The following EYS variants were observed in gnomAD, a reference collection of about 807,000 sequenced individuals.
The protein encoded by EYS is protein eyes shut homolog.
Under a neutral mutation model 282.1 loss-of-function variants are expected in EYS, and 250 were observed. The ratio of observed to expected loss-of-function variants is 0.89; its 90% CI spans 0.80 to 0.98. The LOEUF (loss-of-function observed/expected upper bound fraction) is 0.98, where lower values mean the gene tolerates loss of function less well. EYS is among the 50% of genes least tolerant of loss of function. The pLI is 0.00. For missense variants in EYS, 4,016 were observed against 3,709.0 expected (o/e 1.08, Z -2.15); for synonymous variants, 1,355 against 1,282.9 (o/e 1.06, Z -1.20).
chr6:63,917,570 C>G (rs1764457794), intron 35 of EYS, among the ~76,000 whole-genome samples: 1 of 152,136 alleles, frequency 6.6e-6, no homozygotes, highest in Non-Finnish European at 1.5e-5. Flanking sequence ...TAGATAAATG[C>G]ATAACTTATG....
At chr6:64,259,027 C>T (rs1279218740) in intron 30 of EYS, among the ~76,000 whole-genome samples, 2 of 152,046 alleles carry the variant, frequency 1.3e-5, no homozygotes, top group African/African-American at 4.8e-5. Flanking sequence ...ACAGAGGCCC[C>T]ATGTTTGTTC....
In EYS at chr6:65,562,436, TA is replaced by T. The variant is rs550767979; in HGVS notation, c.-332-66444del. Among the ~76,000 whole-genome samples the T allele has an allele frequency of 5.2e-3, 787 of 152,020 alleles. 5 individuals are homozygous for T. The highest frequency in any genetic ancestry group is 0.017 in the African/African-American group (717 of 41,488). ...TGTTATCCAAAATTTGTAGTTAACA[TA>T]AGGACAGAATGGAAAGAATGAAAGG... On this transcript the variant is annotated intron_variant, in intron 2 of 42. Transcript: ENST00000503581.
intron 2 of EYS, among the ~76,000 whole-genome samples, chr6:65,508,525 T>A (rs1766743176): frequency 6.6e-6 from 1 of 151,642 alleles, no homozygotes; most frequent in South Asian, 2.1e-4. Flanking sequence ...ATATAAAAAA[T>A]TAGCTGGGCG....
chr6:64,765,263 C>T (rs2149981465), intron 22 of EYS, among the ~76,000 whole-genome samples: 1 of 152,296 alleles, frequency 6.6e-6, no homozygotes, highest in Middle Eastern at 3.4e-3. Flanking sequence ...ATGACCTTTG[C>T]TCCAGTTTCC....
chr6:64,533,843 G>A (rs553991087), intron 26 of EYS, among the ~76,000 whole-genome samples: 5 of 151,800 alleles, frequency 3.3e-5, no homozygotes, highest in African/African-American at 1.2e-4. Flanking sequence ...ACATGCATAT[G>A]CATATGTATT....
intron 31 of EYS, among the ~76,000 whole-genome samples, chr6:64,084,370 T>G (rs764172057): frequency 3.3e-5 from 5 of 152,168 alleles, no homozygotes; most frequent in Non-Finnish European, 7.3e-5. Context: ...CCCAAGGCTA[T>G]TGCAATAAGG....
chr6:65,347,419 G>A (rs1332735527), intron 9 of EYS, among the ~76,000 whole-genome samples: 1 of 151,692 alleles, frequency 6.6e-6, no homozygotes, highest in Non-Finnish European at 1.5e-5. Flanking sequence ...GAAGTAAAAT[G>A]TTTGTGCAGT....
chr6:64,452,691 C>A (rs1203682168), intron 26 of EYS, among the ~76,000 whole-genome samples: 3 of 152,102 alleles, frequency 2.0e-5, no homozygotes, highest in Non-Finnish European at 2.9e-5. Flanking sequence ...ATAGAGCCCT[C>A]AGAAATAATG....
At chr6:63,763,870 T>TTA (rs55668347) in intron 40 of EYS, among the ~76,000 whole-genome samples, 8,248 of 129,370 alleles carry the variant, frequency 0.064, 248 homozygotes, top group Middle Eastern at 0.098. Flanking sequence ...TTATATCTTG[T>TTA]TATATATATA....
At chr6:65,116,549 A>G (rs564788014) in intron 12 of EYS, among the ~76,000 whole-genome samples, 2 of 152,146 alleles carry the variant, frequency 1.3e-5, no homozygotes, top group South Asian at 4.1e-4. Flanking sequence ...CTGGAGCAAG[A>G]TGCTGGCTAT....
At chr6:64,141,240 T>C (rs142765790) in intron 31 of EYS, among the ~76,000 whole-genome samples, 2 of 152,332 alleles carry the variant, frequency 1.3e-5, no homozygotes, top group Non-Finnish European at 2.9e-5. Flanking sequence ...TAGATATATG[T>C]GCCCATCTTT....
At chr6:64,033,072 AC>A (rs1562164617) in intron 33 of EYS, among the ~76,000 whole-genome samples, 1 of 152,236 alleles carries the variant, frequency 6.6e-6, no homozygotes, top group Non-Finnish European at 1.5e-5. Context: ...TCAGGAGGTT[AC>A]AAGAATTTTA....
intron 31 of EYS, among the ~76,000 whole-genome samples, chr6:64,104,570 T>C (rs1326667052): frequency 1.3e-5 from 2 of 152,080 alleles, no homozygotes; most frequent in Non-Finnish European, 2.9e-5. Context: ...TTAATGATAG[T>C]AGTTTACTTT....
chr6:65,313,354 G>A (rs534095509), intron 11 of EYS, among the ~76,000 whole-genome samples: 7 of 151,584 alleles, frequency 4.6e-5, no homozygotes, highest in African/African-American at 1.5e-4. Flanking sequence ...CGATACATGC[G>A]TGATTAACAC....
intron 28 of EYS, among the ~76,000 whole-genome samples, chr6:64,402,275 T>C (rs2150436942): frequency 6.6e-6 from 1 of 152,328 alleles, no homozygotes; most frequent in East Asian, 1.9e-4. Flanking sequence ...TGTGATTGTA[T>C]GATATTTATG....
chr6:65,473,660 TG>T (rs965434294), intron 5 of EYS, among the ~76,000 whole-genome samples: 3 of 151,982 alleles, frequency 2.0e-5, no homozygotes, highest in Admixed American at 2.0e-4. Context: ...TTATCTTTTT[TG>T]TTTTTTACTC....
chr6:64,392,212 A>T (rs1773178829), intron 28 of EYS, among the ~76,000 whole-genome samples: 1 of 150,008 alleles, frequency 6.7e-6, no homozygotes, highest in Admixed American at 6.6e-5. Flanking sequence ...CATTAGACAG[A>T]TCAACGAGAC....
chr6:65,405,374 A>G lies in EYS; in HGVS notation c.863-7T>C, dbSNP rs901833426. 1 of 1,591,150 alleles carries G rather than the reference A, an allele frequency of 6.3e-7. No homozygotes were observed. Among genetic ancestry groups the G allele is most frequent in the Non-Finnish European group, 8.5e-7 (1 of 1,170,644 alleles). On this transcript the variant is annotated splice_polypyrimidine_tract_variant and splice_region_variant and intron_variant, in intron 5 of 42. Coordinates refer to ENST00000503581, the MANE Select transcript of EYS (RefSeq NM_001142800.2). ...GACACCTCACAGAATGGACCTTAAA[A>G]AAATCACACACAAGAAAAAAAAAGA... is the stretch of plus-strand genomic sequence containing the variant.
At chr6:64,923,148 GGGGGA>G (rs1562260547) in intron 15 of EYS, among the ~76,000 whole-genome samples, 1 of 151,360 alleles carries the variant, frequency 6.6e-6, no homozygotes, top group Non-Finnish European at 1.5e-5. Flanking sequence ...TACTAGACAC[GGGGGA>G]AAAAAAGGTT....
Sources: gnomAD v4.1 joint callset for allele counts (sites outside exome capture counted in the v4.1 genomes callset) on GRCh38, gnomAD v4.1.1 for gene constraint, MANE v1.5 for transcripts, NCBI Gene and HGNC (gene_info 2026-07-23, HGNC 2026-07-21) for gene names.